Variants in HM13 observed in about 807,000 individuals in gnomAD.
The protein encoded by HM13 is signal peptide peptidase.
HM13 carries 18 observed loss-of-function variants against 50.0 expected under a neutral mutation model. The observed-to-expected ratio is 0.36, with a 90% CI of 0.25 to 0.53. The LOEUF (loss-of-function observed/expected upper bound fraction) is 0.53. Among genes scored for constraint, HM13 ranks in the 20% least tolerant of loss-of-function variants. The pLI is 0.90. For synonymous variants in HM13, 197 were observed against 232.6 expected (o/e 0.85, Z 1.39); for missense variants, 393 against 552.4 (o/e 0.71, Z 2.89).
At chr20:31,557,680 T>C (rs1600663978) in intron 8 of HM13, among the ~76,000 whole-genome samples, 2 of 151,200 alleles carry the variant, frequency 1.3e-5, no homozygotes, top group South Asian at 4.2e-4. Flanking sequence ...TAATCATATG[T>C]TGACAGTTGA....
intron 4 of HM13, chr20:31,547,893 G>A (rs1421796609): frequency 5.7e-6 from 6 of 1,052,496 alleles, no homozygotes; most frequent in African/African-American, 4.7e-5. Flanking sequence ...CAGTAGATAC[G>A]ATTGTAGCAG....
chr20:31,529,180 A>G (rs940172082), intron 2 of HM13, among the ~76,000 whole-genome samples: 1 of 152,056 alleles, frequency 6.6e-6, no homozygotes, highest in Non-Finnish European at 1.5e-5. Flanking sequence ...GCTGGTAACA[A>G]ACTCCTTGGC....
At chr20:31,519,260 C>T (rs1055813785) in intron 1 of HM13, among the ~76,000 whole-genome samples, 1 of 152,156 alleles carries the variant, frequency 6.6e-6, no homozygotes, top group African/African-American at 2.4e-5. Context: ...TGCCATCATG[C>T]CTGGCTAATT....
At chr20:31,550,621 A>T (rs1983993259) in intron 7 of HM13, 1 of 154,900 alleles carries the variant, frequency 6.5e-6, no homozygotes, top group Non-Finnish European at 1.4e-5. Context: ...AAGACCCAAA[A>T]GTTTTTGAGC....
chr20:31,554,886 CA>C (rs1364308249), intron 8 of HM13, 57 bp downstream of exon 8: 1 of 1,349,742 alleles, frequency 7.4e-7, no homozygotes, highest in African/African-American at 1.4e-5. Context: ...TTCCCCGGAG[CA>C]AGGGGATTAC....
chr20:31,515,003 G>C (rs911533986), intron 1 of HM13, among the ~76,000 whole-genome samples: 1 of 152,134 alleles, frequency 6.6e-6, no homozygotes, highest in African/African-American at 2.4e-5. Context: ...CCCTCCCTGT[G>C]CATCATGCCG....
At chr20:31,540,995 A>G (rs1983422732) in intron 3 of HM13, 4 of 151,838 alleles carry the variant, frequency 2.6e-5, no homozygotes, top group Admixed American at 2.6e-4. Flanking sequence ...AAAAAAAAAG[A>G]AATAATTGTC....
intron 1 of HM13, among the ~76,000 whole-genome samples, chr20:31,519,236 G>T (rs1464357624): frequency 6.6e-6 from 1 of 152,174 alleles, no homozygotes; most frequent in African/African-American, 2.4e-5. Context: ...CGAGTAGCTG[G>T]GATTGCAGGC....
At chr20:31,540,430 G>C (rs778663196) in intron 3 of HM13, 2 of 152,192 alleles carry the variant, frequency 1.3e-5, no homozygotes, top group Non-Finnish European at 2.9e-5. Context: ...TCTGTGAGAC[G>C]CTTGAGACCC....
chr20:31,559,804 A>G (rs1984511748), intron 9 of HM13, among the ~76,000 whole-genome samples, 157 bp downstream of exon 9: 1 of 152,214 alleles, frequency 6.6e-6, no homozygotes, highest in Admixed American at 6.5e-5. Context: ...TTGAAGTTCT[A>G]AGTATTTGAA....
intron 4 of HM13, chr20:31,547,376 G>C (rs1449283297): frequency 5.2e-6 from 2 of 387,268 alleles, no homozygotes; most frequent in Non-Finnish European, 9.3e-6. Context: ...TCATCTTCCG[G>C]TTAGCGACAA....
In HM13 at chr20:31,569,262, G is replaced by C. The variant is rs766871058; in HGVS notation, c.*43G>C. ...CCTCTCAGGGCCAGACCAGACAGAT[G>C]GGGGCTGGGCCCACACAGGCGTGCA... On this transcript the variant is annotated 3_prime_UTR_variant, in exon 13 of 13. Transcript: ENST00000398174. The C allele has an allele frequency of 9.5e-6, 13 of 1,365,814 alleles. No individual in the cohort carries two copies. Among genetic ancestry groups the C allele is most frequent in the Middle Eastern group, 2.5e-4 (1 of 4,040 alleles). The allele number at this position is 1,365,814 out of a possible 1,614,324, so 84.6% of individuals were successfully genotyped here. A position where few individuals can be genotyped will look rare whatever the true frequency, so the allele number is the denominator to read the frequency against.
At chr20:31,567,828 A>G (rs1985009385) in intron 11 of HM13, 1 of 452,260 alleles carries the variant, frequency 2.2e-6, no homozygotes, top group African/African-American at 2.0e-5. Context: ...AGGTGTTTCC[A>G]CAGCAGCACA....
At chr20:31,518,415 G>A (rs1243720109) in intron 1 of HM13, among the ~76,000 whole-genome samples, 1 of 150,640 alleles carries the variant, frequency 6.6e-6, no homozygotes, top group African/African-American at 2.4e-5. Flanking sequence ...GGAGGCCGAG[G>A]CAGGTGGATC....
intron 3 of HM13, chr20:31,538,591 C>T: frequency 1.6e-6 from 2 of 1,283,036 alleles, no homozygotes; most frequent in East Asian, 2.9e-5. Context: ...GGTGTTGTGG[C>T]CTAGCTGTGT....
intron 4 of HM13, 76 bp downstream of exon 4, chr20:31,545,111 G>T: frequency 8.5e-7 from 1 of 1,180,782 alleles, no homozygotes; most frequent in Non-Finnish European, 1.3e-6. Flanking sequence ...CTCCAATATT[G>T]GGGTTCTCCA....
intron 1 of HM13, among the ~76,000 whole-genome samples, chr20:31,524,992 C>T (rs774379353): frequency 6.6e-6 from 1 of 152,070 alleles, no homozygotes; most frequent in Non-Finnish European, 1.5e-5. Flanking sequence ...GGATTACAAG[C>T]GTGAGCCATT....
At chr20:31,550,419 A>T (rs1983982058) in intron 7 of HM13, 2 of 364,958 alleles carry the variant, frequency 5.5e-6, no homozygotes, top group Admixed American at 7.9e-5. Context: ...GGGGCTTTCC[A>T]GGAGAGAAAA....
At chr20:31,520,389 C>T (rs924169331) in intron 1 of HM13, among the ~76,000 whole-genome samples, 6 of 152,044 alleles carry the variant, frequency 3.9e-5, no homozygotes, top group Admixed American at 2.0e-4. Context: ...CTGCAACCTC[C>T]GCCTGCCAGG....
Sources: gnomAD v4.1 joint callset for allele counts (sites outside exome capture counted in the v4.1 genomes callset) on GRCh38, gnomAD v4.1.1 for gene constraint, MANE v1.5 for transcripts, NCBI Gene and HGNC (gene_info 2026-07-23, HGNC 2026-07-21) for gene names.